Variants in LRRC49 observed in about 807,000 individuals in gnomAD.
LRRC49 encodes leucine rich repeat containing 49, also known as leucine-rich repeat-containing protein 49.
LRRC49 carries 50 observed loss-of-function variants against 83.3 expected under a neutral mutation model. The observed-to-expected ratio is 0.60, with a 90% CI of 0.48 to 0.76. The LOEUF is 0.76. Ranked by LOEUF, LRRC49 falls within the 30% of genes least tolerant of loss-of-function variation. The probability of loss-of-function intolerance (pLI) is 0.00; values close to 1 mark genes in which losing one functional copy is unlikely to be tolerated. For missense variants in LRRC49, 704 were observed against 809.1 expected, an observed-to-expected ratio of 0.87 and a Z score of 1.58; for synonymous variants, 286 against 283.3, an observed-to-expected ratio of 1.01 and a Z score of -0.10.
At chr15:70,866,772 A>G (rs999553081) in intron 1 of LRRC49, among the ~76,000 whole-genome samples, 1 of 152,142 alleles carries the variant, frequency 6.6e-6, no homozygotes, top group Non-Finnish European at 1.5e-5. Flanking sequence ...ACACCTTAAG[A>G]AAATTTAACT....
chr15:70,893,083 C>A, intron 1 of LRRC49, 141 bp downstream of exon 1: 2 of 941,408 alleles, frequency 2.1e-6, no homozygotes, highest in South Asian at 2.7e-5. Context: ...GTTTGAGGTT[C>A]GTGGGCTGGA....
Position 71,013,195 on chromosome 15 carries a change from C to T in LRRC49, c.1703+282C>T, listed in dbSNP as rs563867762. 2.6e-5 allele frequency among the ~76,000 whole-genome samples: 4 copies of T among 152,200 alleles called. No individual in the cohort carries two copies. The South Asian group carries it at 6.2e-4, about 24-fold the overall frequency. ...AGGGACTAACCATATTTTGGAATAA[C>T]ACTGGGGAAGGCTTCACAAAGGAGA... On this transcript the variant is annotated intron_variant, in intron 14 of 15. Transcript: ENST00000260382.
chr15:70,974,176 G>A (rs1038974138), intron 9 of LRRC49, among the ~76,000 whole-genome samples: 2 of 152,080 alleles, frequency 1.3e-5, no homozygotes, highest in Non-Finnish European at 2.9e-5. Flanking sequence ...TGAGTACTTA[G>A]GAATTGGTCA....
intron 15 of LRRC49, 123 bp downstream of exon 15, chr15:71,037,455 C>G: frequency 1.3e-6 from 1 of 785,260 alleles, no homozygotes; most frequent in Non-Finnish European, 2.0e-6. Flanking sequence ...ATTTGTCAAC[C>G]TTATATTACA....
chr15:70,974,950 A>G (rs1178429371), intron 9 of LRRC49, among the ~76,000 whole-genome samples: 6 of 152,372 alleles, frequency 3.9e-5, no homozygotes, highest in South Asian at 2.1e-4. Flanking sequence ...CAAATTCAGT[A>G]TTATACAAGA....
intron 4 of LRRC49, among the ~76,000 whole-genome samples, 166 bp downstream of exon 4, chr15:70,901,190 G>A (rs1316123773): frequency 6.6e-6 from 1 of 151,946 alleles, no homozygotes; most frequent in Admixed American, 6.6e-5. Flanking sequence ...CCTTCCTGAG[G>A]TATGGTGAGG....
chr15:70,910,384 C>G (rs1344501782), intron 5 of LRRC49, among the ~76,000 whole-genome samples: 1 of 151,896 alleles, frequency 6.6e-6, no homozygotes, highest in East Asian at 1.9e-4. Flanking sequence ...ATATATATAT[C>G]ACATATATAC....
chr15:70,873,350 A>G (rs1238706822), intron 2 of LRRC49: 79 of 1,102,996 alleles, frequency 7.2e-5, no homozygotes, highest in South Asian at 4.8e-4. Flanking sequence ...TGAAAAACTG[A>G]GGGTCATGGT....
intron 14 of LRRC49, among the ~76,000 whole-genome samples, chr15:71,016,247 A>G (rs1044836794): frequency 6.6e-6 from 1 of 152,078 alleles, no homozygotes; most frequent in African/African-American, 2.4e-5. Context: ...TTAAAAAAGC[A>G]TTTAAAAATA....
chr15:70,892,146 C>A, upstream of LRRC49: 1 of 1,613,364 alleles, frequency 6.2e-7, no homozygotes, highest in Non-Finnish European at 8.5e-7. Flanking sequence ...CCGTACCAGT[C>A]GGCGCGGCAA....
intron 11 of LRRC49, among the ~76,000 whole-genome samples, chr15:71,007,901 CT>C (rs200105925): frequency 0.016 from 2,421 of 151,488 alleles, 60 homozygotes; most frequent in African/African-American, 0.056. Flanking sequence ...GAGTTACCCC[CT>C]AATACAACCT....
At chr15:70,986,555 A>G (rs1480178681) in intron 11 of LRRC49, among the ~76,000 whole-genome samples, 1 of 152,218 alleles carries the variant, frequency 6.6e-6, no homozygotes, top group Non-Finnish European at 1.5e-5. Flanking sequence ...GGGGTTTTCT[A>G]GATATACAAT....
intron 14 of LRRC49, among the ~76,000 whole-genome samples, chr15:71,031,373 G>A (rs1319546675): frequency 5.9e-5 from 9 of 152,296 alleles, no homozygotes; most frequent in South Asian, 2.1e-4. Flanking sequence ...TGGAAGCTTC[G>A]TCCCAGAGGG....
chr15:70,910,414 T>C (rs1184074715), intron 5 of LRRC49, among the ~76,000 whole-genome samples: 1 of 152,074 alleles, frequency 6.6e-6, no homozygotes, highest in African/African-American at 2.4e-5. Context: ...ATAGATAACA[T>C]GTATATTATT....
rs138493646 is a variant in LRRC49, at chr15:70,977,577, G to A, written c.922-2524G>A. On this transcript the variant is annotated intron_variant, in intron 9 of 15. Coordinates refer to ENST00000260382, the MANE Select transcript of LRRC49 (RefSeq NM_017691.5). ...TGAGAATTGCTTGAACCCAGGAGGCGGAGGTTGCAGTGAGCTGACATTGCA... is the reference window on the plus strand; with the variant it reads ...TGAGAATTGCTTGAACCCAGGAGGCAGAGGTTGCAGTGAGCTGACATTGCA... 4.7e-3 allele frequency among the ~76,000 whole-genome samples: 722 copies of A among 152,190 alleles called. 4 individuals carry two copies. The highest frequency in any genetic ancestry group is 0.015 in the African/African-American group (640 of 41,520).
At chr15:70,924,877 C>T (rs1027938268) in intron 7 of LRRC49, among the ~76,000 whole-genome samples, 8 of 151,898 alleles carry the variant, frequency 5.3e-5, no homozygotes, top group African/African-American at 1.9e-4. Flanking sequence ...TATCATATTC[C>T]ATTGCCTTTG....
chr15:70,944,984 T>C (rs528081225), intron 8 of LRRC49, among the ~76,000 whole-genome samples: 27 of 152,252 alleles, frequency 1.8e-4, no homozygotes, highest in African/African-American at 6.0e-4. Flanking sequence ...AGCCCCTCAA[T>C]AGTTATATTT....
In LRRC49 at chr15:71,003,642, A is replaced by G. The variant is rs571073298; in HGVS notation, c.1170-4737A>G. ...TTATTAATAATAATCATGAAAATGTACTGAGCTAAGTATGAGGCATAGTTT... is the reference window on the plus strand; with the variant it reads ...TTATTAATAATAATCATGAAAATGTGCTGAGCTAAGTATGAGGCATAGTTT... On this transcript the variant is annotated intron_variant, in intron 11 of 15. Coordinates refer to ENST00000260382, the MANE Select transcript of LRRC49 (RefSeq NM_017691.5). Among the ~76,000 whole-genome samples, 19 of 152,310 alleles carry G rather than the reference A, an allele frequency of 1.2e-4. No homozygotes were observed. In the East Asian group the frequency reaches 3.5e-3, roughly 28 times the overall value.
At chr15:70,956,957 T>A (rs570843402) in intron 8 of LRRC49, among the ~76,000 whole-genome samples, 33 of 152,212 alleles carry the variant, frequency 2.2e-4, no homozygotes, top group Non-Finnish European at 4.3e-4. Context: ...ATGCCACTTT[T>A]TTGTTGTGCT....
Sources: allele counts gnomAD v4.1 joint callset (sites outside exome capture counted in the v4.1 genomes callset), GRCh38; gene constraint gnomAD v4.1.1; transcripts MANE v1.5; gene names NCBI Gene and HGNC (gene_info 2026-07-23, HGNC 2026-07-21).